Variants in CYP2S1 observed in about 807,000 individuals in gnomAD.
CYP2S1 encodes cytochrome P450 2S1.
A neutral mutation model predicts 43.5 loss-of-function variants in CYP2S1; 32 were observed. That is an observed-to-expected ratio of 0.74 (90% CI 0.56 to 0.99). The LOEUF is 0.99. CYP2S1 is among the 50% of genes least tolerant of loss of function. CYP2S1 has a pLI of 0.00. For missense variants in CYP2S1, 575 were observed against 673.9 expected (o/e 0.85, Z 1.62); for synonymous variants, 283 against 302.9 (o/e 0.93, Z 0.68).
chr19:41,205,426 C>CGA (rs2033560679), intron 7 of CYP2S1, among the ~76,000 whole-genome samples: 1 of 61,100 alleles, frequency 1.6e-5, no homozygotes, highest in African/African-American at 1.7e-4. Flanking sequence ...CTTTCTCTCT[C>CGA]TCTCTCTTTC....
rs867763828 is a variant in CYP2S1, at chr19:41,205,386, C to T, written c.1165-572C>T. On this transcript the variant is annotated intron_variant, in intron 7 of 8. Coordinates refer to ENST00000310054, the MANE Select transcript of CYP2S1 (RefSeq NM_030622.8). ...TCTTTCTTTCTTTCTTTCTTTCTCT[C>T]TCTCTCTTTCTTTCTCTCTTTCTTT... is the stretch of plus-strand genomic sequence containing the variant. Among the ~76,000 whole-genome samples, 421 of 77,040 alleles carry T rather than the reference C, an allele frequency of 5.5e-3. 3 individuals carry two copies. Among genetic ancestry groups the T allele is most frequent in the African/African-American group, 0.025 (406 of 16,330 alleles). The allele number at this position is 77,040 out of a possible 152,430, so 50.5% of individuals were successfully genotyped here. A position where few individuals can be genotyped will look rare whatever the true frequency, so the allele number is the denominator to read the frequency against.
At chr19:41,194,256 CA>C (rs1197637270) in intron 1 of CYP2S1, among the ~76,000 whole-genome samples, 2 of 152,000 alleles carry the variant, frequency 1.3e-5, no homozygotes, top group African/African-American at 2.4e-5. Flanking sequence ...AAGGGAGACC[CA>C]AACTGCTTCT....
Position 41,194,579 on chromosome 19 carries a change from C to T in CYP2S1, c.213C>T (p.Tyr71=), listed in dbSNP as rs1238481272. The change falls in exon 2 of 9, where the codon TAC becomes TAT. Residue 71 remains tyrosine (Y), a synonymous_variant. Coordinates refer to ENST00000310054, the MANE Select transcript of CYP2S1 (RefSeq NM_030622.8). Reference sequence around the variant, plus strand: ...AGTACGGACCGGTGTTCACCATCTACCTGGGACCCTGGCGGCCTGTGGTGG... The same window carrying T: ...AGTACGGACCGGTGTTCACCATCTATCTGGGACCCTGGCGGCCTGTGGTGG... ...SKKYGPVFTI[Y]LGPWRPVVVL... The T allele has an allele frequency of 6.2e-7, 1 of 1,608,962 alleles. No individual in the cohort carries two copies. The highest frequency in any genetic ancestry group is 8.5e-7 in the Non-Finnish European group (1 of 1,178,128).
At chr19:41,197,709 A>G in intron 2 of CYP2S1, 70 bp from the exon 3 acceptor site, 1 of 1,574,452 alleles carries the variant, frequency 6.4e-7, no homozygotes, top group Non-Finnish European at 8.6e-7. Context: ...CAAAAAAAAA[A>G]AGAAAGAAAG....
In CYP2S1 at chr19:41,207,289, C is replaced by G; in HGVS notation, c.*801C>G. The G allele has an allele frequency of 4.9e-6, 1 of 204,978 alleles. No individual in the cohort carries two copies. The highest frequency in any genetic ancestry group is 1.0e-5 in the Non-Finnish European group (1 of 100,136). 12.7% of individuals were successfully genotyped at this position (204,978 alleles called of 1,614,324 possible). Reference sequence around the variant, plus strand: ...ACCCTCAGACCGGAGGAACACCTGCCCAACCCCAACACGTGCTTATGTAAC... The same window carrying G: ...ACCCTCAGACCGGAGGAACACCTGCGCAACCCCAACACGTGCTTATGTAAC... On this transcript the variant is annotated 3_prime_UTR_variant, in exon 9 of 9. Transcript: ENST00000310054.
At chr19:41,194,932 A>G (rs982819313) in intron 2 of CYP2S1, among the ~76,000 whole-genome samples, 1 of 152,130 alleles carries the variant, frequency 6.6e-6, no homozygotes, top group Non-Finnish European at 1.5e-5. Context: ...CCTGGCCAAC[A>G]TGGTGAAACC....
chr19:41,204,745 A>G (rs1233347441), intron 7 of CYP2S1, among the ~76,000 whole-genome samples: 1 of 151,438 alleles, frequency 6.6e-6, no homozygotes, highest in African/African-American at 2.4e-5. Flanking sequence ...TTACAGGTGT[A>G]TGCCACCACA....
chr19:41,198,987 CTT>C lies in CYP2S1; in HGVS notation c.834+101_834+102del, dbSNP rs1343887178. 6.6e-6 allele frequency: 9 copies of C among 1,374,008 alleles called. No individual in the cohort carries two copies. The African/African-American group carries it at 1.5e-4, about 23-fold the overall frequency. 85.1% of individuals were successfully genotyped at this position (1,374,008 alleles called of 1,614,324 possible). On this transcript the variant is annotated intron_variant, in intron 5 of 8. Transcript: ENST00000310054. The surrounding 1 kb of genome is among the most constrained non-coding windows in gnomAD (Gnocchi z 4.9). The stretch of plus-strand genomic sequence containing the variant: ...GGGGACCTCAATTGGGTTCCTCTCT[CTT>C]TCTCTCTCTGCATGTCTCTGTGAGT...
At chr19:41,194,804 C>G (rs1349035802) in intron 2 of CYP2S1, 95 bp downstream of exon 2, 1 of 1,496,074 alleles carries the variant, frequency 6.7e-7, no homozygotes, top group Non-Finnish European at 8.9e-7. Context: ...GTTGCCTCAT[C>G]TGTCAAATGG....
In CYP2S1 at chr19:41,207,079, C is replaced by T. The variant is rs957616560; in HGVS notation, c.*591C>T. On this transcript the variant is annotated 3_prime_UTR_variant, in exon 9 of 9. Transcript: ENST00000310054. ...AACCACTTGTCCACACAGCTACCCA[C>T]GTACGACATCGTCCTGGCTCCCCAG... The T allele has an allele frequency of 4.8e-5, 16 of 330,884 alleles. No homozygotes were observed. The highest frequency in any genetic ancestry group is 2.4e-4 in the African/African-American group (11 of 46,382). The allele number at this position is 330,884 out of a possible 1,614,324, so 20.5% of individuals were successfully genotyped here.
At chr19:41,201,156 C>T (rs973301165) in intron 5 of CYP2S1, 75 bp from the exon 6 acceptor site, 103 of 1,543,656 alleles carry the variant, frequency 6.7e-5, no homozygotes, top group Non-Finnish European at 8.7e-5. Flanking sequence ...TGTTTCCGAC[C>T]CCAGGCTTGG....
Position 41,198,859 on chromosome 19 carries a change from G to A in CYP2S1, c.805G>A (p.Val269Ile). ...TGCTTCGGGCCCCGCACGTGACCTT[G>A]TCGATGCCTTCCTGCTGAAGATGGC... ...LDASGPARDL[V>I]DAFLLKMAQE... The change falls in exon 5 of 9, where the codon GTC becomes ATC. Residue 269 changes from valine (V) to isoleucine (I), a missense_variant. By Grantham distance (29) the Val-to-Ile change is conservative. Coordinates refer to ENST00000310054, the MANE Select transcript of CYP2S1 (RefSeq NM_030622.8). The surrounding 1 kb of genome is among the most constrained non-coding windows in gnomAD (Gnocchi z 4.9). 1 of 1,613,678 alleles carries A rather than the reference G, an allele frequency of 6.2e-7. No individual in the cohort carries two copies. The highest frequency in any genetic ancestry group is 8.5e-7 in the Non-Finnish European group (1 of 1,179,664).
At chr19:41,199,767 C>T (rs1331348742) in intron 5 of CYP2S1, among the ~76,000 whole-genome samples, 1 of 151,628 alleles carries the variant, frequency 6.6e-6, no homozygotes, top group Non-Finnish European at 1.5e-5. Flanking sequence ...GAGTTCGAGA[C>T]CAGCCTGACC....
At position 41,203,495 on chromosome 19, in the gene CYP2S1, C is replaced by A; in HGVS notation, c.1022C>A (p.Ala341Glu). 1 of 1,606,676 alleles carries A rather than the reference C, an allele frequency of 6.2e-7. No individual in the cohort carries two copies. The highest frequency in any genetic ancestry group is 8.5e-7 in the Non-Finnish European group (1 of 1,176,370). Residue 341 changes from alanine to glutamate, a missense_variant, in exon 7 of 9, where the codon GCA (alanine) becomes GAA (glutamate). Around this residue, in one of 2 missense-constraint regions of CYP2S1, gnomAD observed 222 missense variants for 306.3 expected, o/e 0.72. Coordinates refer to ENST00000310054, the MANE Select transcript of CYP2S1 (RefSeq NM_030622.8). ...AATCGGGAGCTGGGGGCTGGCCAGGCACCAAGCCTAGGGGACCGTACCCGC... is the reference window on the plus strand; with the variant it reads ...AATCGGGAGCTGGGGGCTGGCCAGGAACCAAGCCTAGGGGACCGTACCCGC... ...ELNRELGAGQ[A>E]PSLGDRTRLP...
rs1380262590 is a variant in CYP2S1, at chr19:41,207,073, T to C, written c.*585T>C. 2 of 335,022 alleles carry C rather than the reference T, an allele frequency of 6.0e-6. No homozygotes were observed. Among genetic ancestry groups the C allele is most frequent in the Admixed American group, 8.0e-5 (2 of 25,026 alleles). The allele number at this position is 335,022 out of a possible 1,614,324, so 20.8% of individuals were successfully genotyped here. A position where few individuals can be genotyped will look rare whatever the true frequency, so the allele number is the denominator to read the frequency against. ...ACCCCCAACCACTTGTCCACACAGC[T>C]ACCCACGTACGACATCGTCCTGGCT... On this transcript the variant is annotated 3_prime_UTR_variant, in exon 9 of 9. Transcript: ENST00000310054.
intron 7 of CYP2S1, 83 bp downstream of exon 7, chr19:41,203,720 T>A: frequency 7.4e-7 from 1 of 1,350,608 alleles, no homozygotes; most frequent in Non-Finnish European, 9.8e-7. Flanking sequence ...TCTCCCTGAC[T>A]TTTTCTTGAT....
intron 7 of CYP2S1, among the ~76,000 whole-genome samples, 190 bp downstream of exon 7, chr19:41,203,827 CCTT>C (rs2033525992): frequency 6.6e-6 from 1 of 151,482 alleles, no homozygotes; most frequent in African/African-American, 2.4e-5. Flanking sequence ...TCTTTCTTCT[CCTT>C]CTTTCTCTGA....
At chr19:41,205,338 CTTTTTT>C (rs762223832) in intron 7 of CYP2S1, among the ~76,000 whole-genome samples, 2 of 132,266 alleles carry the variant, frequency 1.5e-5, no homozygotes, top group South Asian at 5.1e-4. Flanking sequence ...TTCTTTCTTT[CTTTTTT>C]TCTTTCTTTC....
Position 41,203,557 on chromosome 19 carries a change from C to T in CYP2S1, c.1084C>T (p.Arg362Trp), listed in dbSNP as rs933048102. 33 of 1,578,876 alleles carry T rather than the reference C, an allele frequency of 2.1e-5. No homozygotes were observed. Among genetic ancestry groups the T allele is most frequent in the Non-Finnish European group, 2.7e-5 (31 of 1,162,744 alleles). The change falls in exon 7 of 9, where the codon CGG becomes TGG. Residue 362 changes from arginine (R) to tryptophan (W), a missense_variant. Physicochemically the swap from Arg to Trp is moderately radical, Grantham distance 101. Transcript: ENST00000310054. ...CGACGCGGTTCTGCATGAGGCGCAG[C>T]GGCTGCTGGCGCTGGTGCCCATGGG... ...YTDAVLHEAQ[R>W]LLALVPMGIP...
Sources: allele counts gnomAD v4.1 joint callset (sites outside exome capture counted in the v4.1 genomes callset), GRCh38; gene constraint gnomAD v4.1.1; regional missense constraint gnomAD v4.1.1; non-coding constraint Gnocchi (gnomAD v3.1); transcripts MANE v1.5; gene names NCBI Gene and HGNC (gene_info 2026-07-23, HGNC 2026-07-21).